AKR7A3: variants seen among roughly 807,000 people sequenced by gnomAD.
AKR7A3 encodes the protein AFB1 aldehyde reductase 2.
A neutral mutation model predicts 32.5 loss-of-function variants in AKR7A3; 37 were observed. The ratio of observed to expected loss-of-function variants is 1.14; its 90% CI spans 0.88 to 1.50. The LOEUF is 1.50. AKR7A3 is among the 40% of genes most tolerant of loss of function. The pLI is 0.00. For missense variants in AKR7A3, 412 were observed against 453.2 expected (o/e 0.91, Z 0.83); for synonymous variants, 177 against 188.4 (o/e 0.94, Z 0.50).
At chr1:19,284,822 T>A (rs780905555) in intron 4 of AKR7A3, 37 bp from the exon 5 acceptor site, 2 of 1,606,104 alleles carry the variant, frequency 1.2e-6, no homozygotes, top group Non-Finnish European at 1.7e-6. Context: ...GGGCCTAGAG[T>A]GCCCCAGAAG....
intron 1 of AKR7A3, 113 bp downstream of exon 1, chr1:19,288,383 G>C: frequency 1.5e-6 from 2 of 1,334,980 alleles, no homozygotes; most frequent in Non-Finnish European, 2.0e-6. Flanking sequence ...GGGGGCGGTG[G>C]GGGGGACAAA....
chr1:19,286,244 G>A lies in AKR7A3; in HGVS notation c.343C>T (p.Pro115Ser). Residue 115 changes from proline (P) to serine (S), a missense_variant, in exon 2 of 7, where the codon CCA becomes TCA. Transcript: ENST00000361640. ...TCTTCCACCGGGGTGCTGTGGTCTG[G>A]CATATGCAGGTAGAAGAGGTCCACT... ...PRVDLFYLHM[P>S]DHSTPVEETL... 2 of 1,613,596 alleles carry A rather than the reference G, an allele frequency of 1.2e-6. No homozygotes were observed. Among genetic ancestry groups the A allele is most frequent in the East Asian group, 2.2e-5 (1 of 44,884 alleles).
downstream of AKR7A3, among the ~76,000 whole-genome samples, chr1:19,279,190 G>A (rs1449764179): frequency 2.0e-5 from 3 of 151,908 alleles, no homozygotes; most frequent in Admixed American, 2.0e-4. Context: ...TGGAACTCCT[G>A]TCTTCAATTA....
At position 19,284,199 on chromosome 1, in the gene AKR7A3, C is replaced by G. The variant is rs371463766; in HGVS notation, c.705-74G>C. 14 of 1,541,774 alleles carry G rather than the reference C, an allele frequency of 9.1e-6. No homozygotes were observed. The South Asian group carries it at 1.5e-4, about 17-fold the overall frequency. On this transcript the variant is annotated intron_variant, in intron 5 of 6. Coordinates refer to ENST00000361640, the MANE Select transcript of AKR7A3 (RefSeq NM_012067.3). Reference sequence around the variant, plus strand: ...ACAACCAAAGAGCCAACCAGGGCCACTGTCCCACCCCACACCCTGCAGCCC... The same window carrying G: ...ACAACCAAAGAGCCAACCAGGGCCAGTGTCCCACCCCACACCCTGCAGCCC...
Position 19,286,273 on chromosome 1 carries a change from G to A in AKR7A3, c.314C>T (p.Pro105Leu), listed in dbSNP as rs1244729324. The stretch of plus-strand genomic sequence containing the variant: ...ATGCAGGTAGAAGAGGTCCACTCGG[G>A]GACACTGCAGCCGCTTCAGTGACGT... The part of the protein sequence containing the change: ...LETSLKRLQC[P>L]RVDLFYLHMP... The change falls in exon 2 of 7, where the codon CCC becomes CTC. Residue 105 changes from proline (P) to leucine (L), a missense_variant. Physicochemically the swap from Pro to Leu is moderately conservative, Grantham distance 98. Coordinates refer to ENST00000361640, the MANE Select transcript of AKR7A3 (RefSeq NM_012067.3). 1.9e-6 allele frequency: 3 copies of A among 1,613,762 alleles called. No homozygotes were observed. The highest frequency in any genetic ancestry group is 1.3e-5 in the African/African-American group (1 of 74,664).
At position 19,282,791 on chromosome 1, in the gene AKR7A3, C is replaced by A. The variant is rs1340139560; in HGVS notation, c.936G>T (p.Val312=). ...AEEGPLEPAV[V]DAFNQAWHLV... ...AATGCCAGGCTTGATTAAAGGCGTC[C>A]ACGACAGCCGGCTCCAGGGGCCCTT... is the stretch of plus-strand genomic sequence containing the variant. Residue 312 remains valine, a synonymous_variant, in exon 7 of 7, where the codon GTG becomes GTT. Transcript: ENST00000361640. 1 of 1,613,540 alleles carries A rather than the reference C, an allele frequency of 6.2e-7. No homozygotes were observed.
At chr1:19,283,700 G>A (rs910614796) in intron 6 of AKR7A3, among the ~76,000 whole-genome samples, 9 of 151,784 alleles carry the variant, frequency 5.9e-5, no homozygotes, top group African/African-American at 1.5e-4. Flanking sequence ...GCATGGTGGC[G>A]CACGCCTGTA....
chr1:19,285,606 G>A lies in AKR7A3; in HGVS notation c.507+282C>T, dbSNP rs374073815. Among the ~76,000 whole-genome samples, 286 of 151,520 alleles carry A rather than the reference G, an allele frequency of 1.9e-3. 2 individuals carry two copies. The highest frequency in any genetic ancestry group is 2.5e-3 in the African/African-American group (103 of 41,066). ...TGTGAGACCTGAACCATTCTCTCAC[G>A]GAAGGGGCGGTGGTGGGGGAAGGGC... On this transcript the variant is annotated intron_variant, in intron 3 of 6. Coordinates refer to ENST00000361640, the MANE Select transcript of AKR7A3 (RefSeq NM_012067.3).
downstream of AKR7A3, among the ~76,000 whole-genome samples, chr1:19,277,954 C>T (rs1476266564): frequency 6.6e-6 from 1 of 151,986 alleles, no homozygotes; most frequent in Non-Finnish European, 1.5e-5. Flanking sequence ...TTCTCTGAAG[C>T]ACGAACATTC....
downstream of AKR7A3, among the ~76,000 whole-genome samples, chr1:19,280,562 C>T (rs1478758436): frequency 1.4e-5 from 2 of 143,040 alleles, no homozygotes; most frequent in South Asian, 2.3e-4. Context: ...TGGTTCTTTT[C>T]GTTTCTTTTC....
chr1:19,282,152 C>T (rs77624778), downstream of AKR7A3, among the ~76,000 whole-genome samples: 4,286 of 151,890 alleles, frequency 0.028, 80 homozygotes, highest in South Asian at 0.054. Context: ...ATGATATCAT[C>T]AGGGTATTTT....
chr1:19,282,602 C>A lies in AKR7A3; in HGVS notation c.*129G>T. On this transcript the variant is annotated 3_prime_UTR_variant, in exon 7 of 7. Coordinates refer to ENST00000361640, the MANE Select transcript of AKR7A3 (RefSeq NM_012067.3). The stretch of plus-strand genomic sequence containing the variant: ...AGTTTTATTCTTCATTTGGTGGTGA[C>A]TCTTCTATTAGGTTTTTGTCCAAAT... The A allele has an allele frequency of 2.0e-5, 29 of 1,468,768 alleles. No homozygotes were observed. Among genetic ancestry groups the A allele is most frequent in the Non-Finnish European group, 2.7e-5 (29 of 1,076,160 alleles). 91.0% of individuals were successfully genotyped at this position (1,468,768 alleles called of 1,614,324 possible). A position where few individuals can be genotyped will look rare whatever the true frequency, so the allele number is the denominator to read the frequency against.
downstream of AKR7A3, among the ~76,000 whole-genome samples, chr1:19,282,347 C>T (rs1290732171): frequency 2.0e-5 from 3 of 151,612 alleles, no homozygotes; most frequent in South Asian, 4.2e-4. Flanking sequence ...GAATTTCCTC[C>T]CCTGTCTGTC....
chr1:19,283,608 T>C (rs980377632), intron 6 of AKR7A3, among the ~76,000 whole-genome samples: 9 of 151,982 alleles, frequency 5.9e-5, no homozygotes, highest in Non-Finnish European at 1.2e-4. Context: ...GGAGGGCGAA[T>C]TGTCTGAGTT....
Position 19,288,702 on chromosome 1 carries a change from C to A in AKR7A3, c.8G>T (p.Arg3Leu), listed in dbSNP as rs890607932. 10 of 1,493,724 alleles carry A rather than the reference C, an allele frequency of 6.7e-6. No individual in the cohort carries two copies. Among genetic ancestry groups the A allele is most frequent in the Non-Finnish European group, 8.9e-6 (10 of 1,124,298 alleles). 92.5% of individuals were successfully genotyped at this position (1,493,724 alleles called of 1,614,324 possible). A position where few individuals can be genotyped will look rare whatever the true frequency, so the allele number is the denominator to read the frequency against. ...GGCTGGCCGGGCCCGCGACAGCTGC[C>A]GGGACATGACGGCGGCAACGGGAGA... is the stretch of plus-strand genomic sequence containing the variant. MS[R>L]QLSRARPATV... The change falls in exon 1 of 7, where the codon CGG becomes CTG. Residue 3 changes from arginine (R) to leucine (L), a missense_variant. Transcript: ENST00000361640.
the AKR7A3 span, among the ~76,000 whole-genome samples, chr1:19,276,971 G>A: frequency 1.8e-4 from 28 of 151,576 alleles, no homozygotes; most frequent in South Asian, 1.0e-3. Flanking sequence ...AAAATTAGCC[G>A]GGCGTGGTGG....
At chr1:19,285,227 T>C in intron 3 of AKR7A3, 113 bp from the exon 4 acceptor site, 2 of 992,040 alleles carry the variant, frequency 2.0e-6, no homozygotes, top group South Asian at 2.9e-5. Flanking sequence ...ACTTTAACCG[T>C]CTGGGCGTAT....
chr1:19,286,099 A>G, intron 2 of AKR7A3, 86 bp downstream of exon 2: 1 of 1,590,634 alleles, frequency 6.3e-7, no homozygotes, highest in Non-Finnish European at 8.6e-7. Flanking sequence ...ACCCTGGAAC[A>G]GCCCTGGTGC....
Position 19,284,699 on chromosome 1 carries a change from T to A in AKR7A3, c.691A>T (p.Met231Leu), listed in dbSNP as rs771528900. The change falls in exon 5 of 7, where the codon ATG (methionine) becomes TTG (leucine). Residue 231 changes from methionine to leucine, a missense_variant. By Grantham distance (15) the Met-to-Leu change is conservative (BLOSUM62 2). Transcript: ENST00000361640. Reference sequence around the variant, plus strand: ...CCCACAGCTTACCGATTCCTGTACATCTCTGCCCAGGTATTCCCAAAGAAG... The same window carrying A: ...CCCACAGCTTACCGATTCCTGTACAACTCTGCCCAGGTATTCCCAAAGAAG... ...GRFFGNTWAEMYRNRYWKEHH... is the reference protein window; with the variant it reads ...GRFFGNTWAELYRNRYWKEHH... 1.2e-6 allele frequency: 2 copies of A among 1,613,818 alleles called. No individual in the cohort carries two copies.
Sources: allele counts gnomAD v4.1 joint callset (sites outside exome capture counted in the v4.1 genomes callset), GRCh38; gene constraint gnomAD v4.1.1; transcripts MANE v1.5; gene names NCBI Gene and HGNC (gene_info 2026-07-23, HGNC 2026-07-21).